Variants in KCND2 observed in about 807,000 individuals in gnomAD.
The protein encoded by KCND2 is potassium voltage-gated channel subfamily D member 2, also known as A-type voltage-gated potassium channel KCND2.
KCND2 carries 16 observed loss-of-function variants against 54.4 expected under a neutral mutation model. The observed-to-expected ratio is 0.29, with a 90% CI of 0.20 to 0.45. The LOEUF (loss-of-function observed/expected upper bound fraction) is 0.45, where lower values mean the gene tolerates loss of function less well. Among genes scored for constraint, KCND2 ranks in the 20% least tolerant of loss-of-function variants. KCND2 has a pLI of 1.00. For synonymous variants in KCND2, 317 were observed against 310.7 expected (o/e 1.02, Z -0.21); for missense variants, 486 against 824.2 (o/e 0.59, Z 5.02).
chr7:120,308,572 A>T (rs1799682434), intron 1 of KCND2, among the ~76,000 whole-genome samples: 2 of 152,172 alleles, frequency 1.3e-5, no homozygotes, highest in Non-Finnish European at 2.9e-5. Context: ...AATTGCCTTG[A>T]ATTATATTGG....
rs143353899 is a variant in KCND2, at chr7:120,437,859, T to A, written c.1115+162112T>A. The stretch of plus-strand genomic sequence containing the variant: ...ATTCTGAAAGCCTAAAGAAATGTGA[T>A]CTGCCTTTATCCAATAATAAATTTT... On this transcript the variant is annotated intron_variant, in intron 1 of 5. Transcript: ENST00000331113. 7.9e-5 allele frequency among the ~76,000 whole-genome samples: 12 copies of A among 152,344 alleles called. No homozygotes were observed. In the East Asian group the frequency reaches 1.7e-3, roughly 22 times the overall value.
intron 1 of KCND2, among the ~76,000 whole-genome samples, chr7:120,537,819 G>A (rs1253885262): frequency 6.6e-6 from 1 of 152,122 alleles, no homozygotes; most frequent in Non-Finnish European, 1.5e-5. Context: ...GAGAGTTAGG[G>A]CCTTGCTCTG....
chr7:120,579,633 TAAA>T (rs1792488702), intron 1 of KCND2, among the ~76,000 whole-genome samples: 1 of 137,144 alleles, frequency 7.3e-6, no homozygotes, highest in Non-Finnish European at 1.5e-5. Flanking sequence ...AATAAATAAA[TAAA>T]TAAATAAATA....
chr7:120,737,810 A>T (rs1345980133), intron 2 of KCND2, among the ~76,000 whole-genome samples: 1 of 152,062 alleles, frequency 6.6e-6, no homozygotes, highest in African/African-American at 2.4e-5. Context: ...CATTTGAGGA[A>T]TAAGGAATTA....
At chr7:120,342,302 G>T (rs561759644) in intron 1 of KCND2, among the ~76,000 whole-genome samples, 77 of 152,248 alleles carry the variant, frequency 5.1e-4, no homozygotes, top group African/African-American at 1.7e-3. Flanking sequence ...TAAGTACAAT[G>T]ATGTATGTAA....
intron 1 of KCND2, among the ~76,000 whole-genome samples, chr7:120,611,302 A>G (rs904288629): frequency 6.6e-6 from 1 of 152,224 alleles, no homozygotes; most frequent in Non-Finnish European, 1.5e-5. Context: ...TATAAATTCA[A>G]AACTTTGTGC....
chr7:120,500,303 A>T (rs1802913060), intron 1 of KCND2, among the ~76,000 whole-genome samples: 1 of 152,218 alleles, frequency 6.6e-6, no homozygotes, highest in Non-Finnish European at 1.5e-5. Flanking sequence ...TGCTTAGCAT[A>T]TAATCTTCAC....
intron 1 of KCND2, among the ~76,000 whole-genome samples, chr7:120,353,195 A>C (rs1490540789): frequency 7.3e-6 from 1 of 137,044 alleles, no homozygotes; most frequent in Non-Finnish European, 1.5e-5. Context: ...TAATTTGCTA[A>C]GGTTACTCAT....
At position 120,274,345 on chromosome 7, in the gene KCND2, G is replaced by A. The variant is rs1177404178; in HGVS notation, c.-288G>A. 3 of 547,550 alleles carry A rather than the reference G, an allele frequency of 5.5e-6. No homozygotes were observed. Among genetic ancestry groups the A allele is most frequent in the Non-Finnish European group, 6.5e-6 (2 of 305,606 alleles). The allele number at this position is 547,550 out of a possible 1,614,324, so 33.9% of individuals were successfully genotyped here. ...CACCTGTGTGCTTATTTGTGCCAGA[G>A]GGTGGCCTAGCCCACCTGCAGGAAG... On this transcript the variant is annotated 5_prime_UTR_variant, in exon 1 of 6. Transcript: ENST00000331113.
chr7:120,407,882 GAGATGT>G (rs1801385870), intron 1 of KCND2, among the ~76,000 whole-genome samples: 1 of 151,874 alleles, frequency 6.6e-6, no homozygotes, highest in Admixed American at 6.6e-5. Flanking sequence ...TGAGGCTGGA[GAGATGT>G]AGATGTTTTA....
intron 1 of KCND2, among the ~76,000 whole-genome samples, chr7:120,383,785 G>T (rs1278053837): frequency 6.6e-6 from 1 of 152,076 alleles, no homozygotes; most frequent in Non-Finnish European, 1.5e-5. Flanking sequence ...ACAGTCTCTT[G>T]CAGTGTCAAA....
intron 1 of KCND2, among the ~76,000 whole-genome samples, chr7:120,573,223 CA>C (rs1370714296): frequency 6.6e-6 from 1 of 152,132 alleles, no homozygotes; most frequent in Non-Finnish European, 1.5e-5. Flanking sequence ...TACTTTATGT[CA>C]GTAATTTTAG....
chr7:120,593,388 A>G (rs1792694975), intron 1 of KCND2, among the ~76,000 whole-genome samples: 1 of 152,188 alleles, frequency 6.6e-6, no homozygotes, highest in Non-Finnish European at 1.5e-5. Flanking sequence ...TCCCTACCAG[A>G]TGAGGTCGGT....
At chr7:120,371,184 C>A (rs145302359) in intron 1 of KCND2, among the ~76,000 whole-genome samples, 3 of 152,124 alleles carry the variant, frequency 2.0e-5, no homozygotes, top group Non-Finnish European at 4.4e-5. Context: ...TTGGCCAAAG[C>A]AAGTCATGTG....
At chr7:120,304,328 G>C (rs960032307) in intron 1 of KCND2, among the ~76,000 whole-genome samples, 2 of 152,138 alleles carry the variant, frequency 1.3e-5, no homozygotes, top group Admixed American at 6.6e-5. Context: ...CACAGAATAT[G>C]TAATGACCTT....
In KCND2 at chr7:120,642,431, G is replaced by A. The variant is rs184939809; in HGVS notation, c.1116-90472G>A. Among the ~76,000 whole-genome samples, 106 of 149,912 alleles carry A rather than the reference G, an allele frequency of 7.1e-4. No individual in the cohort carries two copies. The Middle Eastern group carries it at 0.024, about 34-fold the overall frequency. ...AAAAAAAAAAGCAGGGCGTGCTAGC[G>A]CACACCTGTAACCCCATCTACCCAG... On this transcript the variant is annotated intron_variant, in intron 1 of 5. Coordinates refer to ENST00000331113, the MANE Select transcript of KCND2 (RefSeq NM_012281.3).
At chr7:120,589,048 C>T (rs1383666069) in intron 1 of KCND2, among the ~76,000 whole-genome samples, 1 of 152,130 alleles carries the variant, frequency 6.6e-6, no homozygotes, top group Non-Finnish European at 1.5e-5. Context: ...TTTCTGAGGA[C>T]ACAGGTCAAA....
chr7:120,697,676 T>C (rs1792348493), intron 1 of KCND2, among the ~76,000 whole-genome samples: 1 of 152,140 alleles, frequency 6.6e-6, no homozygotes, highest in Non-Finnish European at 1.5e-5. Flanking sequence ...GAATAAAAAG[T>C]AGAAGCTGTG....
intron 1 of KCND2, among the ~76,000 whole-genome samples, chr7:120,582,685 T>C (rs1238513544): frequency 6.6e-6 from 1 of 152,084 alleles, no homozygotes; most frequent in African/African-American, 2.4e-5. Context: ...TAAACAATTA[T>C]AAAAAAATAT....
Sources: gnomAD v4.1 joint callset for allele counts (sites outside exome capture counted in the v4.1 genomes callset) on GRCh38, gnomAD v4.1.1 for gene constraint, MANE v1.5 for transcripts, NCBI Gene and HGNC (gene_info 2026-07-23, HGNC 2026-07-21) for gene names.